CDH9: variants seen among roughly 807,000 people sequenced by gnomAD.
CDH9 encodes the protein cadherin 9.
CDH9 carries 28 observed loss-of-function variants against 70.9 expected under a neutral mutation model. The observed-to-expected ratio is 0.40, with a 90% confidence interval of 0.29 to 0.54. The LOEUF (loss-of-function observed/expected upper bound fraction) is 0.54, where lower values mean the gene tolerates loss of function less well. Among genes scored for constraint, CDH9 ranks in the 20% least tolerant of loss-of-function variants. CDH9 has a pLI of 0.59. For missense variants in CDH9, 874 were observed against 984.4 expected (o/e 0.89, Z 1.50); for synonymous variants, 409 against 343.1 (o/e 1.19, Z -2.12).
At chr5:26,885,890 A>C (rs751774116) in intron 10 of CDH9, 25 bp from the exon 11 acceptor site, 37 of 1,607,544 alleles carry the variant, frequency 2.3e-5, no homozygotes, top group Non-Finnish European at 2.9e-5. Context: ...ATGTAAAAAA[A>C]CAAAAACTTT....
intron 2 of CDH9, among the ~76,000 whole-genome samples, chr5:26,926,670 C>G (rs1212428650): frequency 6.6e-6 from 1 of 152,028 alleles, no homozygotes; most frequent in Non-Finnish European, 1.5e-5. Context: ...AAGCTGGAGG[C>G]ATCATGCTAC....
At chr5:26,972,042 T>A (rs1742228268) in intron 2 of CDH9, among the ~76,000 whole-genome samples, 1 of 152,276 alleles carries the variant, frequency 6.6e-6, no homozygotes, top group East Asian at 1.9e-4. Context: ...TTTTAAAGGT[T>A]TTAAAAGAAT....
chr5:26,929,091 T>C (rs1554037540), intron 2 of CDH9, among the ~76,000 whole-genome samples: 1 of 152,036 alleles, frequency 6.6e-6, no homozygotes, highest in Non-Finnish European at 1.5e-5. Context: ...ACTATTCATC[T>C]GACAAGGGAT....
intron 2 of CDH9, among the ~76,000 whole-genome samples, chr5:26,945,949 A>T (rs1326158907): frequency 1.3e-5 from 2 of 152,134 alleles, no homozygotes; most frequent in African/African-American, 2.4e-5. Flanking sequence ...TTGCAAGTGG[A>T]TTATTTAACA....
chr5:27,010,301 G>A (rs186331268), intron 1 of CDH9, among the ~76,000 whole-genome samples: 75 of 152,058 alleles, frequency 4.9e-4, no homozygotes, highest in African/African-American at 1.6e-3. Context: ...AGATCCTCAC[G>A]TAAGTGGAAT....
At chr5:27,007,933 T>C (rs1238312307) in intron 1 of CDH9, among the ~76,000 whole-genome samples, 2 of 152,046 alleles carry the variant, frequency 1.3e-5, no homozygotes, top group Admixed American at 6.6e-5. Flanking sequence ...GTTAAATTTA[T>C]GGGCTCCATG....
chr5:27,016,761 T>C (rs3811929), intron 1 of CDH9, among the ~76,000 whole-genome samples: 71,289 of 151,578 alleles, frequency 0.47, 17,612 homozygotes, highest in African/African-American at 0.51. Context: ...ATTTGTGAGA[T>C]TTTGGTGAGA....
At chr5:26,994,487 A>G (rs1308722296) in intron 1 of CDH9, among the ~76,000 whole-genome samples, 3 of 152,188 alleles carry the variant, frequency 2.0e-5, no homozygotes, top group African/African-American at 2.4e-5. Context: ...TTAAAAGGAC[A>G]TGAAGGTACC....
chr5:27,034,157 C>A (rs928678205), intron 1 of CDH9, among the ~76,000 whole-genome samples: 1 of 151,600 alleles, frequency 6.6e-6, no homozygotes, highest in Non-Finnish European at 1.5e-5. Context: ...CATTAATGAA[C>A]ATGTTAAATC....
chr5:26,980,263 T>G (rs964289296), intron 2 of CDH9, among the ~76,000 whole-genome samples: 1 of 151,908 alleles, frequency 6.6e-6, no homozygotes, highest in Admixed American at 6.6e-5. Context: ...TCTTCTTAGA[T>G]TTGCCTAGTC....
At chr5:26,928,772 G>GA (rs1290916301) in intron 2 of CDH9, among the ~76,000 whole-genome samples, 3 of 151,806 alleles carry the variant, frequency 2.0e-5, no homozygotes, top group Middle Eastern at 6.8e-3. Flanking sequence ...ATAACGTTGG[G>GA]AAAACTGGAT....
At chr5:26,900,715 C>T (rs2111985551) in intron 7 of CDH9, among the ~76,000 whole-genome samples, 1 of 152,176 alleles carries the variant, frequency 6.6e-6, no homozygotes, top group African/African-American at 2.4e-5. Flanking sequence ...CAATCAATTA[C>T]TTCTAAAATG....
At chr5:26,991,781 C>T (rs1561031842) in intron 1 of CDH9, among the ~76,000 whole-genome samples, 1 of 152,032 alleles carries the variant, frequency 6.6e-6, no homozygotes, top group African/African-American at 2.4e-5. Flanking sequence ...AGGTGGATGA[C>T]TGAGTGATTT....
At chr5:26,894,344 T>C (rs1253211382) in intron 7 of CDH9, among the ~76,000 whole-genome samples, 1 of 152,108 alleles carries the variant, frequency 6.6e-6, no homozygotes. Context: ...AGCTAACAAT[T>C]GCAACATGAT....
In CDH9 at chr5:26,881,318, G is replaced by A; in HGVS notation, c.2188C>T (p.Pro730Ser). The change falls in exon 12 of 12, where the codon CCT (proline) becomes TCT (serine). Residue 730 changes from proline to serine, a missense_variant. Transcript: ENST00000231021. ...LKENDADPSA[P>S]PYDSLATYAY... ...TACGTTGCCAGCGAATCATATGGAG[G>A]TGCACTTGGGTCTGCGTCGTTTTCT... 1 of 1,612,836 alleles carries A rather than the reference G, an allele frequency of 6.2e-7. No homozygotes were observed. Among genetic ancestry groups the A allele is most frequent in the South Asian group, 1.1e-5 (1 of 91,070 alleles).
At chr5:26,897,172 A>G (rs1409606169) in intron 7 of CDH9, among the ~76,000 whole-genome samples, 1 of 152,110 alleles carries the variant, frequency 6.6e-6, no homozygotes, top group Non-Finnish European at 1.5e-5. Context: ...TTCAGGCAGT[A>G]ATTAATAACC....
intron 6 of CDH9, 47 bp from the exon 7 acceptor site, chr5:26,902,776 G>C: frequency 9.0e-7 from 1 of 1,108,890 alleles, no homozygotes; most frequent in Non-Finnish European, 1.3e-6. Flanking sequence ...CAGAAGATAT[G>C]ACAATGAAAG....
intron 9 of CDH9, among the ~76,000 whole-genome samples, chr5:26,889,226 ACAT>A: frequency 9.6e-6 from 1 of 104,040 alleles, no homozygotes; most frequent in Non-Finnish European, 2.0e-5. Flanking sequence ...GAAAAATACT[ACAT>A]TTTTTTGTCA....
intron 1 of CDH9, among the ~76,000 whole-genome samples, chr5:26,996,926 G>A (rs1047936736): frequency 2.6e-5 from 4 of 152,048 alleles, no homozygotes; most frequent in African/African-American, 7.2e-5. Flanking sequence ...GCAGAAATAT[G>A]AGCTGCCATC....
Sources: allele counts gnomAD v4.1 joint callset (sites outside exome capture counted in the v4.1 genomes callset), GRCh38; gene constraint gnomAD v4.1.1; transcripts MANE v1.5; gene names NCBI Gene and HGNC (gene_info 2026-07-23, HGNC 2026-07-21).